The following MYO1D variants were observed in gnomAD, a reference collection of about 807,000 sequenced individuals.
The protein encoded by MYO1D is unconventional myosin-Id.
In MYO1D, 83 loss-of-function variants were observed where a neutral mutation model predicts 122.0. The observed-to-expected ratio is 0.68, with a 90% CI of 0.57 to 0.82. The LOEUF (loss-of-function observed/expected upper bound fraction) is 0.82. Among genes scored for constraint, MYO1D ranks in the 40% least tolerant of loss-of-function variants. The pLI, the probability that MYO1D is intolerant of heterozygous loss-of-function variation, is 0.00. For missense variants in MYO1D, 1,157 were observed against 1,269.5 expected, an observed-to-expected ratio of 0.91 and a Z score of 1.35; for synonymous variants, 464 against 446.9, an observed-to-expected ratio of 1.04 and a Z score of -0.48.
chr17:32,699,443 A>G (rs576190902), intron 16 of MYO1D, among the ~76,000 whole-genome samples: 1 of 152,304 alleles, frequency 6.6e-6, no homozygotes, highest in South Asian at 2.1e-4. Flanking sequence ...CTGCCCTTTG[A>G]TAAAGATGAG....
chr17:32,618,550 T>A (rs567577446), intron 20 of MYO1D, among the ~76,000 whole-genome samples: 1 of 152,326 alleles, frequency 6.6e-6, no homozygotes, highest in South Asian at 2.1e-4. Flanking sequence ...GATTTGGTAC[T>A]TAACAAAATT....
At chr17:32,710,091 A>G (rs555787893) in intron 16 of MYO1D, among the ~76,000 whole-genome samples, 1 of 152,310 alleles carries the variant, frequency 6.6e-6, no homozygotes, top group East Asian at 1.9e-4. Flanking sequence ...TAAAATGTAT[A>G]CTGCAGAATA....
Position 32,563,204 on chromosome 17 carries a change from C to CTTT in MYO1D, c.2864+41882_2864+41883insAAA, listed in dbSNP as rs749819200. On this transcript the variant is annotated intron_variant, in intron 21 of 21. Transcript: ENST00000318217. ...GCAATTACAGCTCTTTTTTTCTTCTCTCTTTTTTTTTTTTTTTTTTTTTGA... is the reference window on the plus strand; with the variant it reads ...GCAATTACAGCTCTTTTTTTCTTCTCTTTTCTTTTTTTTTTTTTTTTTTTTTGA... Among the ~76,000 whole-genome samples the CTTT allele has an allele frequency of 8.9e-3, 939 of 104,942 alleles. 49 individuals carry two copies. The highest frequency in any genetic ancestry group is 0.014 in the African/African-American group (340 of 23,904). 68.8% of individuals were successfully genotyped at this position (104,942 alleles called of 152,430 possible).
intron 16 of MYO1D, among the ~76,000 whole-genome samples, chr17:32,695,548 A>G (rs1051514746): frequency 6.6e-6 from 1 of 152,192 alleles, no homozygotes; most frequent in Non-Finnish European, 1.5e-5. Context: ...TCTCTCTTAA[A>G]CTTCCAGTAG....
chr17:32,605,358 G>A (rs1345868802), intron 20 of MYO1D, 117 bp from the exon 21 acceptor site: 7 of 879,432 alleles, frequency 8.0e-6, no homozygotes, highest in Non-Finnish European at 1.1e-5. Context: ...TACTTGGGAG[G>A]CTGATACAGG....
chr17:32,581,958 T>A (rs2087345129), intron 21 of MYO1D, among the ~76,000 whole-genome samples: 1 of 152,082 alleles, frequency 6.6e-6, no homozygotes, highest in South Asian at 2.1e-4. Flanking sequence ...AGAGATGGGG[T>A]TTCACCATGT....
chr17:32,749,718 C>T (rs1195979009), intron 11 of MYO1D, among the ~76,000 whole-genome samples: 2 of 152,026 alleles, frequency 1.3e-5, no homozygotes, highest in Non-Finnish European at 2.9e-5. Flanking sequence ...TACAGCGAGA[C>T]CCTGTCTCAA....
chr17:32,715,499 T>C (rs953985072), intron 15 of MYO1D, among the ~76,000 whole-genome samples: 5 of 152,130 alleles, frequency 3.3e-5, no homozygotes, highest in African/African-American at 1.2e-4. Context: ...ATATATCTTG[T>C]CAATCTGATT....
chr17:32,523,878 G>A (rs967912229), intron 21 of MYO1D, among the ~76,000 whole-genome samples: 8 of 151,434 alleles, frequency 5.3e-5, no homozygotes, highest in Non-Finnish European at 1.0e-4. Context: ...CCAGTAAGCC[G>A]TGGGGCAAAC....
At chr17:32,720,573 A>G (rs529584364) in intron 15 of MYO1D, among the ~76,000 whole-genome samples, 1 of 152,292 alleles carries the variant, frequency 6.6e-6, no homozygotes, top group Non-Finnish European at 1.5e-5. Flanking sequence ...AATGATAGGC[A>G]GTGTTAATTA....
At chr17:32,678,850 G>GT in intron 16 of MYO1D, among the ~76,000 whole-genome samples, 1 of 151,198 alleles carries the variant, frequency 6.6e-6, no homozygotes, top group East Asian at 1.9e-4. Flanking sequence ...TTCCACAATG[G>GT]TTGAACTACT....
intron 1 of MYO1D, among the ~76,000 whole-genome samples, chr17:32,837,171 T>C (rs1457438923): frequency 6.6e-6 from 1 of 152,048 alleles, no homozygotes; most frequent in Non-Finnish European, 1.5e-5. Context: ...TAGCTCCCAT[T>C]TTCTTGATGT....
At chr17:32,706,140 C>T (rs776755057) in intron 16 of MYO1D, among the ~76,000 whole-genome samples, 1 of 152,208 alleles carries the variant, frequency 6.6e-6, no homozygotes, top group Non-Finnish European at 1.5e-5. Flanking sequence ...CAGAGTCTCA[C>T]TCTGTCATCC....
At chr17:32,817,547 TC>T (rs749781987) in intron 1 of MYO1D, among the ~76,000 whole-genome samples, 2 of 152,180 alleles carry the variant, frequency 1.3e-5, no homozygotes, top group East Asian at 3.8e-4. Flanking sequence ...AAGTAATCCT[TC>T]CCAGCTATAA....
At chr17:32,770,036 G>C (rs955258139) in intron 6 of MYO1D, among the ~76,000 whole-genome samples, 7 of 152,192 alleles carry the variant, frequency 4.6e-5, no homozygotes, top group Non-Finnish European at 7.3e-5. Flanking sequence ...GAGAGGTGGA[G>C]TGTTGCCCTC....
At chr17:32,754,565 C>G (rs1401095063) in intron 11 of MYO1D, among the ~76,000 whole-genome samples, 1 of 152,174 alleles carries the variant, frequency 6.6e-6, no homozygotes, top group Non-Finnish European at 1.5e-5. Context: ...TTTCTCTGTT[C>G]TGATTACATA....
At chr17:32,564,253 G>T (rs2087152127) in intron 21 of MYO1D, among the ~76,000 whole-genome samples, 1 of 152,192 alleles carries the variant, frequency 6.6e-6, no homozygotes. Flanking sequence ...ATCCATATGG[G>T]CTGAGAAGGG....
At chr17:32,798,188 TAATAG>T (rs2090434351) in intron 1 of MYO1D, among the ~76,000 whole-genome samples, 1 of 152,174 alleles carries the variant, frequency 6.6e-6, no homozygotes, top group Admixed American at 6.5e-5. Context: ...TGGGGTGAAT[TAATAG>T]CCAACAAGGA....
chr17:32,560,511 G>A (rs1188434091), intron 21 of MYO1D, among the ~76,000 whole-genome samples: 9 of 80,272 alleles, frequency 1.1e-4, no homozygotes, highest in African/African-American at 3.3e-4. Flanking sequence ...TAAAAAAAAA[G>A]TAATACCCAG....
Sources: allele counts gnomAD v4.1 joint callset (sites outside exome capture counted in the v4.1 genomes callset), GRCh38; gene constraint gnomAD v4.1.1; transcripts MANE v1.5; gene names NCBI Gene and HGNC (gene_info 2026-07-23, HGNC 2026-07-21).